Variants in LRP1B observed in about 807,000 individuals in gnomAD.
LRP1B encodes LDL receptor related protein 1B.
LRP1B carries 217 observed loss-of-function variants against 556.6 expected under a neutral mutation model. The ratio of observed to expected loss-of-function variants is 0.39; its 90% CI spans 0.35 to 0.44. The LOEUF (loss-of-function observed/expected upper bound fraction) is 0.44. Among genes scored for constraint, LRP1B ranks in the 20% least tolerant of loss-of-function variants. The pLI is 1.00. For missense variants in LRP1B, 5,053 were observed against 5,620.8 expected (o/e 0.90, Z 3.23); for synonymous variants, 2,047 against 1,865.8 (o/e 1.10, Z -2.50).
rs1461781949 is a variant in LRP1B at position 141,247,217 on chromosome 2, A to G, written c.592+9T>C. 7 of 1,613,412 alleles carry G rather than the reference A, an allele frequency of 4.3e-6. No individual in the cohort carries two copies. The highest frequency in any genetic ancestry group is 5.1e-6 in the Non-Finnish European group (6 of 1,179,676). ...CTGGAAAGACAAAAAATAAATGGTC[A>G]TAACTTACCAATTTTAGCCTTGCAA... On this transcript the variant is annotated intron_variant, in intron 5 of 90. Transcript: ENST00000389484.
chr2:141,429,527 A>G (rs1680489683), intron 3 of LRP1B, among the ~76,000 whole-genome samples: 1 of 152,124 alleles, frequency 6.6e-6, no homozygotes, highest in African/African-American at 2.4e-5. Flanking sequence ...CAAGATGTGC[A>G]GGTTTGTTAC....
intron 3 of LRP1B, among the ~76,000 whole-genome samples, chr2:141,467,554 C>A (rs1404234286): frequency 6.6e-6 from 1 of 152,006 alleles, no homozygotes; most frequent in Non-Finnish European, 1.5e-5. Flanking sequence ...TTCAGTCCAG[C>A]CTGAAGGCAG....
At chr2:141,336,495 T>C (rs1267122924) in intron 3 of LRP1B, among the ~76,000 whole-genome samples, 1 of 152,200 alleles carries the variant, frequency 6.6e-6, no homozygotes, top group Non-Finnish European at 1.5e-5. Flanking sequence ...CTTTTATGAA[T>C]CTAAAAAGCA....
In LRP1B at chr2:140,509,995, T is replaced by C. The variant is rs2104917231; in HGVS notation, c.8331A>G (p.Arg2777=). The change falls in exon 52 of 91, where the codon CGA becomes CGG. Residue 2777 remains arginine, a synonymous_variant. Transcript: ENST00000389484. ...SCQGSRACVP[R]HWLCDGERDC... ...CCCTTTCACCATCACAAAGCCAATG[T>C]CGGGGCACGCAGGCACGAGAGCCCT... The C allele has an allele frequency of 6.2e-7, 1 of 1,613,992 alleles. No homozygotes were observed. The highest frequency in any genetic ancestry group is 8.5e-7 in the Non-Finnish European group (1 of 1,180,020).
chr2:141,075,056 A>C (rs1699752004), intron 7 of LRP1B, among the ~76,000 whole-genome samples: 1 of 152,264 alleles, frequency 6.6e-6, no homozygotes. Flanking sequence ...AAAGGGTTAG[A>C]TTGGCTCTCA....
At chr2:140,828,142 A>C (rs1691573855) in intron 31 of LRP1B, among the ~76,000 whole-genome samples, 1 of 152,328 alleles carries the variant, frequency 6.6e-6, no homozygotes, top group African/African-American at 2.4e-5. Flanking sequence ...AATATGCAAA[A>C]AAAAGATGCT....
chr2:141,235,739 A>C (rs1308823286), intron 5 of LRP1B, among the ~76,000 whole-genome samples: 3 of 152,156 alleles, frequency 2.0e-5, no homozygotes, highest in African/African-American at 4.8e-5. Flanking sequence ...ACTGTAATAC[A>C]TGGTTCACAT....
intron 1 of LRP1B, among the ~76,000 whole-genome samples, chr2:141,965,924 G>A (rs1701553230): frequency 6.6e-6 from 1 of 150,764 alleles, no homozygotes; most frequent in African/African-American, 2.4e-5. Context: ...GAAATATTAA[G>A]TTGCTAAAAC....
intron 25 of LRP1B, among the ~76,000 whole-genome samples, chr2:140,872,792 A>G (rs1693180262): frequency 6.6e-6 from 1 of 152,002 alleles, no homozygotes; most frequent in African/African-American, 2.4e-5. Context: ...AAGGCTATTT[A>G]GCTGACAACT....
intron 2 of LRP1B, among the ~76,000 whole-genome samples, chr2:141,564,018 A>G (rs1012567535): frequency 3.9e-5 from 6 of 152,088 alleles, no homozygotes; most frequent in Non-Finnish European, 8.8e-5. Flanking sequence ...ATCTACAATA[A>G]AAGTTGAAAT....
chr2:141,806,702 T>C (rs1349817078), intron 2 of LRP1B, among the ~76,000 whole-genome samples: 1 of 152,024 alleles, frequency 6.6e-6, no homozygotes, highest in Middle Eastern at 3.2e-3. Context: ...CTCGATAAAC[T>C]TTCAGATTTC....
rs565801624 is a variant in LRP1B at position 140,907,871 on chromosome 2, C to T, written c.3520+6G>A. On this transcript the variant is annotated splice_donor_region_variant and intron_variant, in intron 22 of 90. Transcript: ENST00000389484. ...GGAGAAGTCAGTACAATTAAACATG[C>T]AATACCACAGAGATAGCCTTCATCA... 6.2e-7 allele frequency: 1 copy of T among 1,612,696 alleles called. No individual in the cohort carries two copies. Among genetic ancestry groups the T allele is most frequent in the Non-Finnish European group, 8.5e-7 (1 of 1,178,942 alleles).
At chr2:141,988,526 T>A (rs1375904082) in intron 1 of LRP1B, among the ~76,000 whole-genome samples, 2 of 152,064 alleles carry the variant, frequency 1.3e-5, no homozygotes, top group Admixed American at 1.3e-4. Flanking sequence ...TCAAAGTAGT[T>A]CTAATTTAAA....
chr2:141,464,606 A>ATATAT lies in LRP1B; in HGVS notation c.343+15789_343+15790insATATA. On this transcript the variant is annotated intron_variant, in intron 3 of 90. Transcript: ENST00000389484. ...TTTGTATATATATATATATATATAT[A>ATATAT]TTTTTTTAGTAGAGATGGGGTTTCA... Among the ~76,000 whole-genome samples the ATATAT allele has an allele frequency of 2.8e-3, 256 of 90,532 alleles. 21 individuals are homozygous for ATATAT. The highest frequency in any genetic ancestry group is 9.8e-3 in the African/African-American group (230 of 23,362). The allele number at this position is 90,532 out of a possible 152,430, so 59.4% of individuals were successfully genotyped here.
At chr2:140,824,803 A>G (rs1355424783) in intron 31 of LRP1B, among the ~76,000 whole-genome samples, 2 of 152,152 alleles carry the variant, frequency 1.3e-5, no homozygotes, top group Non-Finnish European at 2.9e-5. Flanking sequence ...AATATCACAC[A>G]TTCAAAAATT....
intron 6 of LRP1B, among the ~76,000 whole-genome samples, chr2:141,225,668 G>A (rs186200352): frequency 4.6e-5 from 7 of 152,104 alleles, no homozygotes; most frequent in East Asian, 3.9e-4. Flanking sequence ...ATCAGTTATC[G>A]TTATAAAAAA....
At chr2:141,488,979 GT>G (rs1683225421) in intron 2 of LRP1B, among the ~76,000 whole-genome samples, 10 of 123,862 alleles carry the variant, frequency 8.1e-5, no homozygotes, top group African/African-American at 2.2e-4. Context: ...TTTTTTGTTT[GT>G]TTGTTTGTTT....
intron 1 of LRP1B, among the ~76,000 whole-genome samples, chr2:141,814,291 C>A (rs1368689376): frequency 6.6e-6 from 1 of 152,096 alleles, no homozygotes; most frequent in Admixed American, 6.6e-5. Flanking sequence ...TTATCTGGGG[C>A]CTACAGCTTG....
At chr2:140,476,129 C>T (rs1047193273) in intron 59 of LRP1B, among the ~76,000 whole-genome samples, 9 of 151,896 alleles carry the variant, frequency 5.9e-5, no homozygotes, top group South Asian at 2.1e-4. Flanking sequence ...AACGTATAAG[C>T]GGCAGATTAC....
Sources: gnomAD v4.1 joint callset for allele counts (sites outside exome capture counted in the v4.1 genomes callset) on GRCh38, gnomAD v4.1.1 for gene constraint, MANE v1.5 for transcripts, NCBI Gene and HGNC (gene_info 2026-07-23, HGNC 2026-07-21) for gene names.